The following CA10 variants were observed in gnomAD, a reference collection of about 807,000 sequenced individuals.
The protein encoded by CA10 is carbonic anhydrase 10 (inactive).
In CA10, 14 loss-of-function variants were observed where a neutral mutation model predicts 44.2. The ratio of observed to expected loss-of-function variants is 0.32; its 90% CI spans 0.21 to 0.50. The LOEUF (loss-of-function observed/expected upper bound fraction) is 0.50, where lower values mean the gene tolerates loss of function less well. Ranked by LOEUF, CA10 falls within the 20% of genes least tolerant of loss-of-function variation. The pLI is 0.99. For synonymous variants in CA10, 159 were observed against 141.6 expected, an observed-to-expected ratio of 1.12 and a Z score of -0.87; for missense variants, 350 against 409.7, an observed-to-expected ratio of 0.85 and a Z score of 1.26.
intron 2 of CA10, among the ~76,000 whole-genome samples, chr17:51,986,672 A>G (rs771601528): frequency 1.3e-5 from 2 of 152,068 alleles, no homozygotes; most frequent in Non-Finnish European, 2.9e-5. Context: ...GAAAAAAACA[A>G]ATAATCCCAT....
chr17:51,749,354 G>A (rs1904814695), intron 3 of CA10, among the ~76,000 whole-genome samples: 1 of 152,352 alleles, frequency 6.6e-6, no homozygotes, highest in African/African-American at 2.4e-5. Flanking sequence ...TTGAGGGCAT[G>A]CGTGTTTTCT....
intron 4 of CA10, among the ~76,000 whole-genome samples, chr17:51,682,288 G>A (rs1182456856): frequency 6.6e-6 from 1 of 152,212 alleles, no homozygotes; most frequent in Non-Finnish European, 1.5e-5. Context: ...GTGGATTTAT[G>A]TGGGTGTTTA....
At chr17:51,745,182 T>A (rs1483537160) in intron 4 of CA10, among the ~76,000 whole-genome samples, 1 of 152,148 alleles carries the variant, frequency 6.6e-6, no homozygotes, top group Admixed American at 6.5e-5. Flanking sequence ...AGCAGTGTGA[T>A]TTTGTTGATT....
At chr17:51,890,892 G>C (rs898166504) in intron 3 of CA10, among the ~76,000 whole-genome samples, 7 of 152,134 alleles carry the variant, frequency 4.6e-5, no homozygotes, top group Non-Finnish European at 8.8e-5. Flanking sequence ...TTAAAAACTT[G>C]TTTCTGCTCA....
At chr17:51,690,041 A>C (rs1915136742) in intron 4 of CA10, among the ~76,000 whole-genome samples, 1 of 151,528 alleles carries the variant, frequency 6.6e-6, no homozygotes, top group South Asian at 2.1e-4. Context: ...ACCACCTCCC[A>C]GGTTCAAGTG....
chr17:51,731,668 A>AAG (rs1251698560), intron 4 of CA10, among the ~76,000 whole-genome samples: 56 of 117,428 alleles, frequency 4.8e-4, no homozygotes, highest in African/African-American at 1.6e-3. Context: ...AAAAAAAAAA[A>AAG]AAAAAGATTT....
chr17:51,886,309 C>T lies in CA10; in HGVS notation c.279+44681G>A, dbSNP rs540275015. Among the ~76,000 whole-genome samples the T allele has an allele frequency of 2.3e-4, 35 of 152,254 alleles. 1 individual carries two copies. In the South Asian group the frequency reaches 6.0e-3, roughly 26 times the overall value. On this transcript the variant is annotated intron_variant, in intron 3 of 8. Coordinates refer to ENST00000451037, the MANE Select transcript of CA10 (RefSeq NM_020178.5). ...TAAAAACTTCCTGGAGTAACAATTCCCTCCCACAATGTAATTGAAAAGTGC... is the reference window on the plus strand; with the variant it reads ...TAAAAACTTCCTGGAGTAACAATTCTCTCCCACAATGTAATTGAAAAGTGC...
intron 1 of CA10, among the ~76,000 whole-genome samples, chr17:52,148,822 T>G (rs555098712): frequency 2.6e-5 from 4 of 152,150 alleles, no homozygotes; most frequent in Non-Finnish European, 4.4e-5. Context: ...ACCATTGCTG[T>G]TTTTTTTACT....
chr17:51,764,147 A>G (rs1905289747), intron 3 of CA10, among the ~76,000 whole-genome samples: 1 of 152,180 alleles, frequency 6.6e-6, no homozygotes, highest in Non-Finnish European at 1.5e-5. Flanking sequence ...GATGATACAC[A>G]GTATCTCTAT....
At chr17:52,041,886 A>T (rs887691989) in intron 2 of CA10, among the ~76,000 whole-genome samples, 1 of 152,056 alleles carries the variant, frequency 6.6e-6, no homozygotes, top group Non-Finnish European at 1.5e-5. Context: ...AATGTCCTCC[A>T]GGTTCATTCA....
At chr17:51,890,456 T>G (rs1325263677) in intron 3 of CA10, among the ~76,000 whole-genome samples, 1 of 152,242 alleles carries the variant, frequency 6.6e-6, no homozygotes, top group Non-Finnish European at 1.5e-5. Flanking sequence ...GGAGCTGAAC[T>G]TTAAGACCCT....
chr17:52,092,073 G>A (rs935239848), intron 1 of CA10, among the ~76,000 whole-genome samples: 2 of 151,816 alleles, frequency 1.3e-5, no homozygotes, highest in Non-Finnish European at 2.9e-5. Flanking sequence ...CTCTTTCTCC[G>A]CCTGTCTGTC....
intron 3 of CA10, among the ~76,000 whole-genome samples, chr17:51,846,700 A>C (rs1247014512): frequency 6.6e-6 from 1 of 152,254 alleles, no homozygotes; most frequent in Non-Finnish European, 1.5e-5. Context: ...ATTTTGATAA[A>C]AATGACATGA....
At chr17:52,000,871 G>A (rs566932376) in intron 2 of CA10, among the ~76,000 whole-genome samples, 1 of 141,340 alleles carries the variant, frequency 7.1e-6, no homozygotes, top group Non-Finnish European at 1.5e-5. Flanking sequence ...ACGGTAATGA[G>A]GATTAAAATC....
At chr17:51,823,185 T>C (rs1907879792) in intron 3 of CA10, among the ~76,000 whole-genome samples, 1 of 152,228 alleles carries the variant, frequency 6.6e-6, no homozygotes, top group South Asian at 2.1e-4. Flanking sequence ...CATGTTGCTG[T>C]GCTGAAAGCC....
chr17:52,069,808 C>G (rs922864798), intron 2 of CA10, among the ~76,000 whole-genome samples: 7 of 152,144 alleles, frequency 4.6e-5, no homozygotes, highest in African/African-American at 1.7e-4. Context: ...GTCACAGATT[C>G]ACAACTGTTA....
chr17:51,819,582 G>A (rs1045733246), intron 3 of CA10, among the ~76,000 whole-genome samples: 6 of 152,338 alleles, frequency 3.9e-5, no homozygotes, highest in Non-Finnish European at 7.4e-5. Context: ...CTGCTGATGA[G>A]CTAATGGAAC....
At chr17:51,762,580 A>G (rs1461399716) in intron 3 of CA10, 2 of 152,186 alleles carry the variant, frequency 1.3e-5, no homozygotes, top group African/African-American at 4.8e-5. Flanking sequence ...AGGGGTTTGC[A>G]CAGAAGATCG....
intron 2 of CA10, among the ~76,000 whole-genome samples, chr17:51,935,813 C>T (rs1249849890): frequency 1.3e-5 from 2 of 152,128 alleles, no homozygotes; most frequent in Non-Finnish European, 2.9e-5. Flanking sequence ...TAATAACACA[C>T]CTTGGCAACG....
Sources: allele counts gnomAD v4.1 joint callset (sites outside exome capture counted in the v4.1 genomes callset), GRCh38; gene constraint gnomAD v4.1.1; transcripts MANE v1.5; gene names NCBI Gene and HGNC (gene_info 2026-07-23, HGNC 2026-07-21).